Variants in ARID1A observed in about 807,000 individuals in gnomAD.
The protein encoded by ARID1A is AT-rich interactive domain-containing protein 1A.
A neutral mutation model predicts 212.6 loss-of-function variants in ARID1A; 20 were observed. The observed-to-expected ratio is 0.09, with a 90% CI of 0.07 to 0.14. The LOEUF is 0.14. Among genes scored for constraint, ARID1A ranks in the 10% least tolerant of loss-of-function variants. The probability of loss-of-function intolerance (pLI) is 1.00; values close to 1 mark genes in which losing one functional copy is unlikely to be tolerated. For synonymous variants in ARID1A, 1,376 were observed against 1,222.1 expected (o/e 1.13, Z -2.63); for missense variants, 2,587 against 3,059.0 (o/e 0.85, Z 3.64).
chr1:26,697,637 C>T (rs979197164), intron 1 of ARID1A, 97 bp downstream of exon 1: 4 of 1,160,148 alleles, frequency 3.4e-6, no homozygotes, highest in Non-Finnish European at 4.4e-6. Flanking sequence ...TCCCCTCAGT[C>T]CCGGGCCCCC....
chr1:26,772,765 G>A (rs747010775), intron 13 of ARID1A, 47 bp from the exon 14 acceptor site: 2 of 1,607,440 alleles, frequency 1.2e-6, no homozygotes, highest in Non-Finnish European at 1.7e-6. Context: ...TGTTATATTG[G>A]AGGAATTGGT....
chr1:26,779,979 A>G lies in ARID1A; in HGVS notation c.6081A>G (p.Ala2027=). The stretch of plus-strand genomic sequence containing the variant: ...ACAAGCACCCAGAACGGAAGCAGGC[A>G]CCACTAACTTATGAAAAGGAGGAGG... ...LHHKHPERKQ[A]PLTYEKEEEQ... The change falls in exon 20 of 20, where the codon GCA becomes GCG. Residue 2027 remains alanine, a synonymous_variant. Coordinates refer to ENST00000324856, the MANE Select transcript of ARID1A (RefSeq NM_006015.6). 6.2e-7 allele frequency: 1 copy of G among 1,614,170 alleles called. No homozygotes were observed. The highest frequency in any genetic ancestry group is 8.5e-7 in the Non-Finnish European group (1 of 1,180,018).
chr1:26,712,698 CAA>C, intron 1 of ARID1A, among the ~76,000 whole-genome samples: 1 of 152,120 alleles, frequency 6.6e-6, no homozygotes, highest in South Asian at 2.1e-4. Flanking sequence ...GACCCTGTCT[CAA>C]ATAAAAATAA....
Position 26,780,906 on chromosome 1 carries a change from TTC to T in ARID1A, c.*157_*158del, listed in dbSNP as rs201874010. The T allele has an allele frequency of 7.0e-3, 7,837 of 1,126,468 alleles. 54 individuals are homozygous for T. The highest frequency in any genetic ancestry group is 7.5e-3 in the Non-Finnish European group (6,076 of 815,268). The allele number at this position is 1,126,468 out of a possible 1,614,324, so 69.8% of individuals were successfully genotyped here. On this transcript the variant is annotated 3_prime_UTR_variant, in exon 20 of 20. Coordinates refer to ENST00000324856, the MANE Select transcript of ARID1A (RefSeq NM_006015.6). This position sits in a 1 kb window ranked among gnomAD's most constrained non-coding sequence, Gnocchi z 7.2. ...TCCCTTGGGAAAAAGTCTCTCCTGT[TTC>T]TCTCTCCTCCTTCCACCTCCCCTCC...
At chr1:26,746,605 C>T (rs1231009379) in intron 4 of ARID1A, among the ~76,000 whole-genome samples, 1 of 152,160 alleles carries the variant, frequency 6.6e-6, no homozygotes, top group Non-Finnish European at 1.5e-5. Flanking sequence ...GCTATGTTAA[C>T]ATATCTGGCC....
At chr1:26,736,648 G>T (rs2080733542) in intron 4 of ARID1A, among the ~76,000 whole-genome samples, 1 of 145,636 alleles carries the variant, frequency 6.9e-6, no homozygotes, top group South Asian at 2.2e-4. Context: ...AAAAAAAAAG[G>T]GCACAGTGGC....
At position 26,771,709 on chromosome 1, in the gene ARID1A, C is replaced by T; in HGVS notation, c.3406+383C>T. ...GCTCAGACTAGAGCCCTGAATTCCC[C>T]AGGGAGCTGAGATGGTAATGAATGG... is the stretch of plus-strand genomic sequence containing the variant. On this transcript the variant is annotated intron_variant, in intron 12 of 19. Coordinates refer to ENST00000324856, the MANE Select transcript of ARID1A (RefSeq NM_006015.6). The surrounding 1 kb of genome is among the most constrained non-coding windows in gnomAD (Gnocchi z 5.4). 4.3e-6 allele frequency: 1 copy of T among 230,116 alleles called. No individual in the cohort carries two copies. Among genetic ancestry groups the T allele is most frequent in the South Asian group, 6.6e-5 (1 of 15,132 alleles). The allele number at this position is 230,116 out of a possible 1,614,324, so 14.3% of individuals were successfully genotyped here.
intron 4 of ARID1A, among the ~76,000 whole-genome samples, chr1:26,739,130 A>G (rs1570583677): frequency 6.6e-6 from 1 of 151,488 alleles, no homozygotes; most frequent in South Asian, 2.1e-4. Flanking sequence ...CTTGTGATCC[A>G]CCCACCTTGG....
At chr1:26,752,944 C>T (rs1411159211) in intron 4 of ARID1A, 1 of 152,226 alleles carries the variant, frequency 6.6e-6, no homozygotes, top group Non-Finnish European at 1.5e-5. Context: ...GGTACAAGAA[C>T]TCCATCTGGG....
At chr1:26,773,986 A>G in intron 17 of ARID1A, 88 bp downstream of exon 17, 1 of 1,488,358 alleles carries the variant, frequency 6.7e-7, no homozygotes, top group African/African-American at 1.4e-5. Context: ...AAGTCTAAGA[A>G]GCTCACTTTA....
intron 4 of ARID1A, among the ~76,000 whole-genome samples, chr1:26,758,946 GCTC>G (rs979882304): frequency 1.3e-5 from 2 of 152,200 alleles, no homozygotes; most frequent in African/African-American, 2.4e-5. Context: ...GTCTCCAAGA[GCTC>G]AGCAGAAATG....
At chr1:26,772,355 T>C in intron 12 of ARID1A, 145 bp from the exon 13 acceptor site, 1 of 1,215,748 alleles carries the variant, frequency 8.2e-7, no homozygotes. Flanking sequence ...CCTGGCCTTG[T>C]AGATCCTCTG....
chr1:26,710,648 G>A (rs1007412640), intron 1 of ARID1A, among the ~76,000 whole-genome samples: 2 of 151,848 alleles, frequency 1.3e-5, no homozygotes, highest in African/African-American at 4.8e-5. Flanking sequence ...CAGTCCTATC[G>A]AATCCAAAAC....
chr1:26,737,318 A>T (rs2080743455), intron 4 of ARID1A, among the ~76,000 whole-genome samples: 1 of 151,982 alleles, frequency 6.6e-6, no homozygotes, highest in African/African-American at 2.4e-5. Flanking sequence ...GGGTTTCACG[A>T]TGTTGCCCAG....
At position 26,696,254 on chromosome 1, in the gene ARID1A, G is replaced by T; in HGVS notation, c.-150G>T. On this transcript the variant is annotated 5_prime_UTR_variant, in exon 1 of 20. Coordinates refer to ENST00000324856, the MANE Select transcript of ARID1A (RefSeq NM_006015.6). ...TGAGCCGGCGGGGCGGGGGGGAGAG[G>T]AGCGAGCGCAGCGCAGCAGCGGAGC... The T allele has an allele frequency of 9.9e-7, 1 of 1,008,700 alleles. No individual in the cohort carries two copies. Among genetic ancestry groups the T allele is most frequent in the South Asian group, 4.9e-5 (1 of 20,366 alleles). The allele number at this position is 1,008,700 out of a possible 1,614,324, so 62.5% of individuals were successfully genotyped here. A position where few individuals can be genotyped will look rare whatever the true frequency, so the allele number is the denominator to read the frequency against.
intron 8 of ARID1A, chr1:26,765,043 A>G (rs1373855816): frequency 6.6e-6 from 1 of 151,952 alleles, no homozygotes; most frequent in East Asian, 1.9e-4. Flanking sequence ...CTAAAAATAC[A>G]AAAAAATAGC....
chr1:26,732,441 A>G (rs1479601097), intron 3 of ARID1A, among the ~76,000 whole-genome samples: 1 of 152,204 alleles, frequency 6.6e-6, no homozygotes, highest in Non-Finnish European at 1.5e-5. Context: ...ATTTAACCCC[A>G]AGAAACAGCC....
rs1203312605 is a variant in ARID1A at position 26,729,821 on chromosome 1, C to T, written c.1308C>T (p.Gly436=). The T allele has an allele frequency of 6.2e-7, 1 of 1,614,076 alleles. No homozygotes were observed. Among genetic ancestry groups the T allele is most frequent in the East Asian group, 2.2e-5 (1 of 44,896 alleles). ...AGCGGTACCCGATGACCATGCAGGG[C>T]CGGGCGCAGAGTGCCATGGGCGGCC... ...TPQRYPMTMQ[G]RAQSAMGGLS... is the part of the protein sequence containing the mutation. Residue 436 remains glycine, a synonymous_variant, in exon 2 of 20, where the codon GGC becomes GGT. Transcript: ENST00000324856.
chr1:26,755,154 A>T (rs2080917267), intron 4 of ARID1A, among the ~76,000 whole-genome samples: 1 of 152,194 alleles, frequency 6.6e-6, no homozygotes, highest in South Asian at 2.1e-4. Context: ...TAGTATCTAT[A>T]ACCAAGACTT....
Sources: gnomAD v4.1 joint callset for allele counts (sites outside exome capture counted in the v4.1 genomes callset) on GRCh38, gnomAD v4.1.1 for gene constraint, Gnocchi (gnomAD v3.1) non-coding constraint, MANE v1.5 for transcripts, NCBI Gene and HGNC (gene_info 2026-07-23, HGNC 2026-07-21) for gene names.